XPOT: variants seen among roughly 807,000 people sequenced by gnomAD.
XPOT encodes the protein exportin for tRNA.
In XPOT, 34 loss-of-function variants were observed where a neutral mutation model predicts 128.2. The observed-to-expected ratio is 0.27, with a 90% CI of 0.20 to 0.35. The LOEUF is 0.35. Ranked by LOEUF, XPOT falls within the 10% of genes least tolerant of loss-of-function variation. XPOT has a pLI of 1.00. For synonymous variants in XPOT, 348 were observed against 394.3 expected (o/e 0.88, Z 1.39); for missense variants, 838 against 1,125.3 (o/e 0.74, Z 3.65).
At chr12:64,439,155 C>A in intron 22 of XPOT, 89 bp from the exon 23 acceptor site, 1 of 1,259,456 alleles carries the variant, frequency 7.9e-7, no homozygotes, top group Non-Finnish European at 1.2e-6. Flanking sequence ...TACTATATTG[C>A]CTTTAAAGTG....
At chr12:64,424,960 T>C in intron 12 of XPOT, 78 bp from the exon 13 acceptor site, 1 of 1,533,120 alleles carries the variant, frequency 6.5e-7, no homozygotes, top group Non-Finnish European at 8.9e-7. Context: ...AAGGCTTTTG[T>C]TGGTGTCTTA....
intron 18 of XPOT, among the ~76,000 whole-genome samples, 161 bp from the exon 19 acceptor site, chr12:64,433,253 G>A (rs2040254019): frequency 6.6e-6 from 1 of 152,106 alleles, no homozygotes; most frequent in South Asian, 2.1e-4. Flanking sequence ...GCCTAGTAAT[G>A]TTTAGGTTAT....
At chr12:64,429,642 C>T (rs148211091) in intron 16 of XPOT, among the ~76,000 whole-genome samples, 2,206 of 152,068 alleles carry the variant, frequency 0.015, 46 homozygotes, top group African/African-American at 0.049. Context: ...GGTTTCACCA[C>T]GTTGACCAGG....
chr12:64,410,383 C>T (rs755580232), intron 2 of XPOT, among the ~76,000 whole-genome samples: 5 of 152,066 alleles, frequency 3.3e-5, no homozygotes, highest in South Asian at 2.1e-4. Flanking sequence ...GCAAAGGATT[C>T]GTTTAAGAGA....
chr12:64,420,835 C>T (rs1483828041), intron 8 of XPOT, among the ~76,000 whole-genome samples: 1 of 152,172 alleles, frequency 6.6e-6, no homozygotes, highest in Non-Finnish European at 1.5e-5. Flanking sequence ...GAGTCTCACT[C>T]TGTTGCCCAG....
In XPOT at chr12:64,414,914, C is replaced by G. The variant is rs760464151; in HGVS notation, c.68C>G (p.Ala23Gly). The change falls in exon 3 of 25, where the codon GCC becomes GGC. Residue 23 changes from alanine to glycine, a missense_variant. Ala to Gly is a moderately conservative substitution (Grantham distance 60). Coordinates refer to ENST00000332707, the MANE Select transcript of XPOT (RefSeq NM_007235.6). The part of the protein sequence containing the change: ...ADSDFRQRAL[A>G]YFEQLKISPD... ...TGTTTTGCAATCTTATAGGCCCTGGCCTATTTTGAGCAGTTAAAAATTTCC... is the reference window on the plus strand; with the variant it reads ...TGTTTTGCAATCTTATAGGCCCTGGGCTATTTTGAGCAGTTAAAAATTTCC... 3.1e-6 allele frequency: 5 copies of G among 1,611,182 alleles called. No individual in the cohort carries two copies. The East Asian group carries it at 8.9e-5, about 29-fold the overall frequency.
Position 64,421,255 on chromosome 12 carries a change from G to A in XPOT, c.864G>A (p.Leu288=), listed in dbSNP as rs747462524. Residue 288 remains leucine (L), a synonymous_variant, in exon 9 of 25, where the codon CTG becomes CTA. Transcript: ENST00000332707. ...TATAGGAAGAAGATGTTGACTTCCT[G>A]GCCAGATTTTCTAAGTTGGTAAATG... ...SIDQEEDVDF[L]ARFSKLVNGM... is the part of the protein sequence containing the mutation. The A allele has an allele frequency of 1.9e-6, 3 of 1,613,762 alleles. No individual in the cohort carries two copies. Among genetic ancestry groups the A allele is most frequent in the South Asian group, 2.2e-5 (2 of 91,062 alleles).
rs1438541488 is a variant in XPOT, at chr12:64,420,446, C to G, written c.768C>G (p.Asp256Glu). ...TTGAAGTTGTAAATAAAGGAATGGACCCTGTTGATAAAATGAAACTAGTGG... is the reference window on the plus strand; with the variant it reads ...TTGAAGTTGTAAATAAAGGAATGGAGCCTGTTGATAAAATGAAACTAGTGG... ...CLFEVVNKGM[D>E]PVDKMKLVES... Residue 256 changes from aspartate to glutamate, a missense_variant, in exon 8 of 25, where the codon GAC becomes GAG. By Grantham distance (45) the Asp-to-Glu change is conservative (BLOSUM62 2). Around this residue, in one of 3 missense-constraint regions of XPOT, gnomAD observed 761 missense variants for 988.3 expected, o/e 0.77. Transcript: ENST00000332707. 1 of 1,613,514 alleles carries G rather than the reference C, an allele frequency of 6.2e-7. No individual in the cohort carries two copies. Among genetic ancestry groups the G allele is most frequent in the Non-Finnish European group, 8.5e-7 (1 of 1,179,782 alleles).
chr12:64,432,108 A>C (rs796136692), intron 18 of XPOT, among the ~76,000 whole-genome samples: 3 of 152,342 alleles, frequency 2.0e-5, no homozygotes, highest in African/African-American at 7.2e-5. Context: ...CAGTAAACTG[A>C]GTACTAAATA....
intron 3 of XPOT, among the ~76,000 whole-genome samples, 173 bp downstream of exon 3, chr12:64,415,162 C>T (rs898338902): frequency 2.7e-5 from 4 of 148,624 alleles, no homozygotes; most frequent in Non-Finnish European, 5.9e-5. Flanking sequence ...AAGTAGTAAA[C>T]CCAGTTTGGC....
At position 64,434,784 on chromosome 12, in the gene XPOT, C is replaced by T. The variant is rs2136032320; in HGVS notation, c.2570-10C>T. 1 of 1,608,082 alleles carries T rather than the reference C, an allele frequency of 6.2e-7. No homozygotes were observed. On this transcript the variant is annotated splice_polypyrimidine_tract_variant and intron_variant, in intron 20 of 24. Coordinates refer to ENST00000332707, the MANE Select transcript of XPOT (RefSeq NM_007235.6). ...TATATATAAGATGAAAATTTGAATT[C>T]TCTTGACAGGAGGTAAAGATGGACC...
At chr12:64,412,558 C>T (rs1479313568) in intron 2 of XPOT, among the ~76,000 whole-genome samples, 1 of 152,162 alleles carries the variant, frequency 6.6e-6, no homozygotes, top group Non-Finnish European at 1.5e-5. Context: ...AACAACTAAG[C>T]TAGTACTATC....
chr12:64,422,252 C>T (rs2040145206), intron 9 of XPOT, among the ~76,000 whole-genome samples: 1 of 152,160 alleles, frequency 6.6e-6, no homozygotes, highest in Non-Finnish European at 1.5e-5. Context: ...TGTATATTTA[C>T]TTTGAATTAA....
chr12:64,435,418 T>C (rs1231836639), intron 21 of XPOT, among the ~76,000 whole-genome samples: 1 of 152,232 alleles, frequency 6.6e-6, no homozygotes, highest in Non-Finnish European at 1.5e-5. Context: ...CAACAGTTTG[T>C]ATTTTTCTGT....
rs918830075 is a variant in XPOT at position 64,435,754 on chromosome 12, G to T, written c.2733+80G>T. ...CTTGTTCTTGAAAGATGTATCTTGT[G>T]TAAAATTTAACTTTTGTTTTGACTT... On this transcript the variant is annotated intron_variant, in intron 22 of 24. Coordinates refer to ENST00000332707, the MANE Select transcript of XPOT (RefSeq NM_007235.6). 7.8e-6 allele frequency: 11 copies of T among 1,407,748 alleles called. No homozygotes were observed. The Admixed American group carries it at 1.2e-4, about 16-fold the overall frequency. 87.2% of individuals were successfully genotyped at this position (1,407,748 alleles called of 1,614,324 possible).
rs555520686 is a variant in XPOT at position 64,418,189 on chromosome 12, T to G, written c.270+74T>G. ...TTATTTTTTGCAAGAGTTTGGAACTTTACCTCAAAGATTTTCATCAGTGTT... is the reference window on the plus strand; with the variant it reads ...TTATTTTTTGCAAGAGTTTGGAACTGTACCTCAAAGATTTTCATCAGTGTT... On this transcript the variant is annotated intron_variant, in intron 5 of 24. Coordinates refer to ENST00000332707, the MANE Select transcript of XPOT (RefSeq NM_007235.6). 1.1e-4 allele frequency: 142 copies of G among 1,278,310 alleles called. 1 individual carries two copies. In the African/African-American group the frequency reaches 1.7e-3, roughly 16 times the overall value. The allele number at this position is 1,278,310 out of a possible 1,614,324, so 79.2% of individuals were successfully genotyped here.
At chr12:64,437,207 A>G (rs990749428) in intron 22 of XPOT, among the ~76,000 whole-genome samples, 6 of 152,212 alleles carry the variant, frequency 3.9e-5, no homozygotes, top group African/African-American at 7.2e-5. Context: ...GTTTAGGGAC[A>G]GCAGGGGAAC....
intron 9 of XPOT, among the ~76,000 whole-genome samples, chr12:64,422,125 T>TA (rs2040144319): frequency 6.6e-6 from 1 of 152,202 alleles, no homozygotes; most frequent in Non-Finnish European, 1.5e-5. Context: ...TTTTTACAAT[T>TA]AAAGTTTCCC....
At chr12:64,425,649 G>A in intron 14 of XPOT, 166 bp from the exon 15 acceptor site, 2 of 941,400 alleles carry the variant, frequency 2.1e-6, no homozygotes, top group Non-Finnish European at 3.2e-6. Flanking sequence ...ACTAAAACAA[G>A]TTCTCAAGGG....
Sources: gnomAD v4.1 joint callset for allele counts (sites outside exome capture counted in the v4.1 genomes callset) on GRCh38, gnomAD v4.1.1 for gene constraint, gnomAD v4.1.1 regional missense constraint, MANE v1.5 for transcripts, NCBI Gene and HGNC (gene_info 2026-07-23, HGNC 2026-07-21) for gene names.